Variants in PCCA observed in about 807,000 individuals in gnomAD.
PCCA encodes the protein propionyl-CoA carboxylase alpha chain, mitochondrial.
PCCA carries 74 observed loss-of-function variants against 101.3 expected under a neutral mutation model. The observed-to-expected ratio is 0.73, with a 90% CI of 0.61 to 0.89. The LOEUF is 0.89. Among genes scored for constraint, PCCA ranks in the 40% least tolerant of loss-of-function variants. The probability of loss-of-function intolerance (pLI) is 0.00; values close to 1 mark genes in which losing one functional copy is unlikely to be tolerated. For missense variants in PCCA, 891 were observed against 907.0 expected, an observed-to-expected ratio of 0.98 and a Z score of 0.23; for synonymous variants, 294 against 313.6, an observed-to-expected ratio of 0.94 and a Z score of 0.66.
chr13:100,172,935 T>G (rs1460781439), intron 6 of PCCA, among the ~76,000 whole-genome samples: 1 of 152,204 alleles, frequency 6.6e-6, no homozygotes, highest in Admixed American at 6.5e-5. Flanking sequence ...CGGACTATGC[T>G]ACCTCTGAAG....
intron 6 of PCCA, among the ~76,000 whole-genome samples, chr13:100,179,636 A>G (rs1210871208): frequency 1.3e-5 from 2 of 152,166 alleles, no homozygotes; most frequent in Non-Finnish European, 2.9e-5. Context: ...CCTGTCATCT[A>G]TTGACAATTG....
intron 21 of PCCA, among the ~76,000 whole-genome samples, chr13:100,514,632 T>C (rs837284): frequency 0.018 from 2,758 of 152,298 alleles, 85 homozygotes; most frequent in African/African-American, 0.062. Context: ...AATTCTCTTT[T>C]TTGAAATGTT....
intron 6 of PCCA, among the ~76,000 whole-genome samples, chr13:100,179,186 C>A (rs2056545907): frequency 6.6e-6 from 1 of 151,478 alleles, no homozygotes; most frequent in African/African-American, 2.4e-5. Flanking sequence ...CCTTGACATA[C>A]CCTAACACAA....
intron 1 of PCCA, among the ~76,000 whole-genome samples, chr13:100,094,871 A>G (rs1443953106): frequency 6.6e-6 from 1 of 152,196 alleles, no homozygotes; most frequent in Non-Finnish European, 1.5e-5. Flanking sequence ...TACAGATGTG[A>G]GCCACCGTGC....
chr13:100,143,521 C>T (rs762502830), intron 4 of PCCA, among the ~76,000 whole-genome samples: 4 of 139,048 alleles, frequency 2.9e-5, no homozygotes, highest in Non-Finnish European at 4.6e-5. Flanking sequence ...GGTGACAGAG[C>T]GAGACTCTGC....
chr13:100,391,077 G>A (rs1366708315), intron 19 of PCCA, among the ~76,000 whole-genome samples: 4 of 152,028 alleles, frequency 2.6e-5, no homozygotes, highest in Non-Finnish European at 5.9e-5. Context: ...GAGTGCAGTG[G>A]CACGATCTTG....
chr13:100,509,602 AT>A (rs1346508870), intron 21 of PCCA, among the ~76,000 whole-genome samples: 1 of 152,138 alleles, frequency 6.6e-6, no homozygotes, highest in Non-Finnish European at 1.5e-5. Flanking sequence ...GCTTCTGTTT[AT>A]TTTTTATTTT....
intron 18 of PCCA, among the ~76,000 whole-genome samples, chr13:100,362,078 A>C (rs1202280823): frequency 6.6e-6 from 1 of 152,160 alleles, no homozygotes; most frequent in Non-Finnish European, 1.5e-5. Flanking sequence ...AAAAGGATGA[A>C]CTATTCAACA....
At chr13:100,147,502 C>CT (rs1566576719) in intron 4 of PCCA, among the ~76,000 whole-genome samples, 1 of 152,110 alleles carries the variant, frequency 6.6e-6, no homozygotes, top group Non-Finnish European at 1.5e-5. Context: ...TTTGGAAACA[C>CT]TTTTTTAAAA....
At chr13:100,311,507 C>T (rs1336280383) in intron 16 of PCCA, among the ~76,000 whole-genome samples, 2 of 151,730 alleles carry the variant, frequency 1.3e-5, no homozygotes, top group African/African-American at 4.8e-5. Flanking sequence ...TGGTGGCTCA[C>T]GCCTGTAATC....
intron 19 of PCCA, among the ~76,000 whole-genome samples, chr13:100,400,238 G>A (rs2152853035): frequency 6.6e-6 from 1 of 152,310 alleles, no homozygotes; most frequent in Admixed American, 6.5e-5. Flanking sequence ...TTCCAGAACA[G>A]AAAGGTTGTT....
intron 21 of PCCA, among the ~76,000 whole-genome samples, chr13:100,452,672 A>C (rs113190119): frequency 2.7e-4 from 41 of 151,924 alleles, no homozygotes; most frequent in African/African-American, 9.9e-4. Context: ...ATTAGCAGTT[A>C]CCACTGCTTG....
At chr13:100,434,615 C>T (rs2079796084) in intron 20 of PCCA, among the ~76,000 whole-genome samples, 1 of 152,118 alleles carries the variant, frequency 6.6e-6, no homozygotes, top group African/African-American at 2.4e-5. Context: ...TTTCCAGTTG[C>T]CTTTGGTCTC....
intron 1 of PCCA, among the ~76,000 whole-genome samples, chr13:100,097,257 T>C (rs1420170365): frequency 6.6e-6 from 1 of 151,802 alleles, no homozygotes; most frequent in Non-Finnish European, 1.5e-5. Context: ...GGAGAGGGGA[T>C]GGGAGTGACT....
chr13:100,284,582 T>A (rs948475219), intron 12 of PCCA, among the ~76,000 whole-genome samples: 1 of 151,364 alleles, frequency 6.6e-6, no homozygotes, highest in African/African-American at 2.4e-5. Context: ...GTACAAAAAC[T>A]GAACGGTCAG....
chr13:100,135,489 T>A (rs770777929), intron 4 of PCCA, among the ~76,000 whole-genome samples: 1 of 152,160 alleles, frequency 6.6e-6, no homozygotes, highest in Non-Finnish European at 1.5e-5. Flanking sequence ...AGTAGAAGTA[T>A]GATTAATGTT....
intron 19 of PCCA, among the ~76,000 whole-genome samples, chr13:100,384,967 TTTTATA>T (rs1159799253): frequency 6.6e-6 from 1 of 152,086 alleles, no homozygotes; most frequent in Non-Finnish European, 1.5e-5. Flanking sequence ...TGAAGTCATA[TTTTATA>T]TTTATTTTTT....
At chr13:100,384,442 G>A (rs931888340) in intron 19 of PCCA, among the ~76,000 whole-genome samples, 1 of 152,120 alleles carries the variant, frequency 6.6e-6, no homozygotes, top group African/African-American at 2.4e-5. Context: ...TAATAACTTT[G>A]TGTTCTCAAA....
At chr13:100,251,945 C>T (rs545087352) in intron 8 of PCCA, among the ~76,000 whole-genome samples, 2 of 152,312 alleles carry the variant, frequency 1.3e-5, no homozygotes, top group South Asian at 2.1e-4. Flanking sequence ...GAACTCCCCC[C>T]GCCATCAGCA....
Sources: allele counts gnomAD v4.1 joint callset (sites outside exome capture counted in the v4.1 genomes callset), GRCh38; gene constraint gnomAD v4.1.1; transcripts MANE v1.5; gene names NCBI Gene and HGNC (gene_info 2026-07-23, HGNC 2026-07-21).